The following MTOR variants were observed in gnomAD, a reference collection of about 807,000 sequenced individuals.
The protein encoded by MTOR is serine/threonine-protein kinase mTOR.
In MTOR, 70 loss-of-function variants were observed where a neutral mutation model predicts 319.8. That is an observed-to-expected ratio of 0.22 (90% confidence interval 0.18 to 0.27). The LOEUF is 0.27. MTOR is among the 10% of genes least tolerant of loss of function. The probability of loss-of-function intolerance (pLI) is 1.00; values close to 1 mark genes in which losing one functional copy is unlikely to be tolerated. For missense variants in MTOR, 1,890 were observed against 3,274.4 expected (o/e 0.58, Z 10.32); for synonymous variants, 1,183 against 1,211.4 (o/e 0.98, Z 0.49).
At chr1:11,206,909 C>T (rs1646154833) in intron 25 of MTOR, among the ~76,000 whole-genome samples, 1 of 152,224 alleles carries the variant, frequency 6.6e-6, no homozygotes. Flanking sequence ...TAGAAGTATA[C>T]ATAAATGGTT....
In MTOR at chr1:11,199,068, T is replaced by C. The variant is rs1420102676; in HGVS notation, c.4253+190A>G. 6.6e-6 allele frequency among the ~76,000 whole-genome samples: 1 copy of C among 152,152 alleles called. No individual in the cohort carries two copies. The highest frequency in any genetic ancestry group is 2.4e-5 in the African/African-American group (1 of 41,432). ...CCCAGGTGATAAGGGTCAACAGAAA[T>C]GACAATCATGGCTAGATTCCTGGGG... On this transcript the variant is annotated intron_variant, in intron 28 of 57. Transcript: ENST00000361445. This position sits in a 1 kb window ranked among gnomAD's most constrained non-coding sequence, Gnocchi z 4.5.
At chr1:11,210,560 A>G (rs1646277818) in intron 24 of MTOR, among the ~76,000 whole-genome samples, 1 of 152,254 alleles carries the variant, frequency 6.6e-6, no homozygotes, top group African/African-American at 2.4e-5. Flanking sequence ...AATCAAATTT[A>G]GGTGTCCATA....
chr1:11,220,959 G>A (rs1289488166), intron 19 of MTOR, among the ~76,000 whole-genome samples: 1 of 151,980 alleles, frequency 6.6e-6, no homozygotes, highest in Non-Finnish European at 1.5e-5. Flanking sequence ...TCTAGCTCTG[G>A]AACTATGTTA....
At chr1:11,134,526 G>T in intron 36 of MTOR, 60 bp from the exon 37 acceptor site, 1 of 1,457,930 alleles carries the variant, frequency 6.9e-7, no homozygotes, top group Non-Finnish European at 9.6e-7. Flanking sequence ...CAGAGGAAGG[G>T]AGCTACCGTT....
chr1:11,249,407 C>G (rs1278850489), intron 6 of MTOR, among the ~76,000 whole-genome samples: 1 of 150,730 alleles, frequency 6.6e-6, no homozygotes, highest in Non-Finnish European at 1.5e-5. Context: ...AACACTCCAT[C>G]TTTATTTATT....
intron 28 of MTOR, among the ~76,000 whole-genome samples, chr1:11,183,263 T>C (rs1156767861): frequency 2.0e-5 from 3 of 152,234 alleles, no homozygotes; most frequent in African/African-American, 2.4e-5. Flanking sequence ...TGGATATCTT[T>C]GTGAACTAAG....
At chr1:11,122,392 C>T (rs1289548771) in intron 47 of MTOR, among the ~76,000 whole-genome samples, 9 of 151,090 alleles carry the variant, frequency 6.0e-5, no homozygotes, top group African/African-American at 1.7e-4. Flanking sequence ...TTGGTAGAGA[C>T]GGATTTCACC....
rs2100921727 is a variant in MTOR at position 11,243,109 on chromosome 1, C to T, written c.1412+5G>A. ...GGAAGGTGAAATCATAACAGAGGTG[C>T]TTACTTATGGGCGAAGTCCTTTGGG... On this transcript the variant is annotated splice_donor_5th_base_variant and intron_variant, in intron 9 of 57. Transcript: ENST00000361445. The T allele has an allele frequency of 1.9e-6, 3 of 1,613,918 alleles. No individual in the cohort carries two copies. Among genetic ancestry groups the T allele is most frequent in the Non-Finnish European group, 8.5e-7 (1 of 1,179,984 alleles).
At chr1:11,240,934 TA>T (rs1647922648) in intron 10 of MTOR, among the ~76,000 whole-genome samples, 1 of 152,020 alleles carries the variant, frequency 6.6e-6, no homozygotes, top group Non-Finnish European at 1.5e-5. Context: ...GAGTACTTCC[TA>T]TATGCCAGGC....
intron 6 of MTOR, 112 bp downstream of exon 6, chr1:11,253,720 CTTATTTA>C (rs1451056469): frequency 8.8e-7 from 1 of 1,138,968 alleles, no homozygotes; most frequent in Admixed American, 2.1e-5. Context: ...ATCTTATTTA[CTTATTTA>C]TTATGTTTCC....
intron 25 of MTOR, among the ~76,000 whole-genome samples, chr1:11,208,282 T>G (rs1646203205): frequency 6.6e-6 from 1 of 152,234 alleles, no homozygotes; most frequent in South Asian, 2.1e-4. Context: ...TTTTACTACC[T>G]CCATCTTAAC....
intron 38 of MTOR, chr1:11,131,041 C>T: frequency 1.8e-6 from 1 of 544,314 alleles, no homozygotes. Flanking sequence ...GCTCTTGCCT[C>T]AAGGGATCTC....
intron 47 of MTOR, 132 bp downstream of exon 47, chr1:11,124,366 G>T: frequency 8.3e-7 from 1 of 1,198,706 alleles, no homozygotes; most frequent in Non-Finnish European, 1.2e-6. Context: ...GGGACTACAG[G>T]CATGAGTTAC....
chr1:11,247,989 A>C lies in MTOR; in HGVS notation c.946T>G (p.Phe316Val). 1 of 1,614,160 alleles carries C rather than the reference A, an allele frequency of 6.2e-7. No homozygotes were observed. Among genetic ancestry groups the C allele is most frequent in the Non-Finnish European group, 8.5e-7 (1 of 1,180,036 alleles). The change falls in exon 7 of 58, where the codon TTC becomes GTC. Residue 316 changes from phenylalanine to valine, a missense_variant. Phe to Val is a conservative substitution (Grantham distance 50, BLOSUM62 -1). This residue lies in a region of MTOR where 418 missense variants were observed against 543.1 expected (regional missense o/e 0.77). Coordinates refer to ENST00000361445, the MANE Select transcript of MTOR (RefSeq NM_004958.4). ...GGCTGTACAGCCTGGAAACTGGTGA[A>C]GGGGGTAATGTGACGAGGTTTTGTT... ...FGTKPRHITP[F>V]TSFQAVQPQQ...
intron 20 of MTOR, 107 bp from the exon 21 acceptor site, chr1:11,213,673 T>G: frequency 1.9e-6 from 2 of 1,058,872 alleles, no homozygotes; most frequent in East Asian, 2.4e-5. Context: ...GAGCATGGTC[T>G]GCGCCGAGAT....
rs767015940 is a variant in MTOR at position 11,122,143 on chromosome 1, A to C, written c.6663-17T>G. The stretch of plus-strand genomic sequence containing the variant: ...CTCTGGATGCTGGCGCCCACAGAAA[A>C]GCAGGGTTAGTGTACCGTAAAGAGA... On this transcript the variant is annotated splice_polypyrimidine_tract_variant and intron_variant, in intron 47 of 57. Coordinates refer to ENST00000361445, the MANE Select transcript of MTOR (RefSeq NM_004958.4). 6.2e-7 allele frequency: 1 copy of C among 1,614,028 alleles called. No individual in the cohort carries two copies.
intron 4 of MTOR, chr1:11,256,409 G>C: frequency 2.4e-6 from 2 of 820,400 alleles, no homozygotes; most frequent in Non-Finnish European, 2.9e-6. Context: ...CAGAATGCTT[G>C]TAATGTTTGA....
chr1:11,172,353 C>T (rs558588251), intron 28 of MTOR, among the ~76,000 whole-genome samples: 8 of 150,218 alleles, frequency 5.3e-5, no homozygotes, highest in Non-Finnish European at 8.9e-5. Flanking sequence ...GTCAGGAGAT[C>T]GAGACCATCC....
At chr1:11,135,049 C>T (rs916363346) in intron 36 of MTOR, among the ~76,000 whole-genome samples, 1 of 152,144 alleles carries the variant, frequency 6.6e-6, no homozygotes, top group Non-Finnish European at 1.5e-5. Flanking sequence ...GGCAAAATCT[C>T]CAGAGCATCC....
Sources: gnomAD v4.1 joint callset for allele counts (sites outside exome capture counted in the v4.1 genomes callset) on GRCh38, gnomAD v4.1.1 for gene constraint, gnomAD v4.1.1 regional missense constraint, Gnocchi (gnomAD v3.1) non-coding constraint, MANE v1.5 for transcripts, NCBI Gene and HGNC (gene_info 2026-07-23, HGNC 2026-07-21) for gene names.